TRPM6: variants seen among roughly 807,000 people sequenced by gnomAD.
TRPM6 encodes the protein channel kinase 2.
A neutral mutation model predicts 247.6 loss-of-function variants in TRPM6; 111 were observed. The ratio of observed to expected loss-of-function variants is 0.45; its 90% CI spans 0.38 to 0.52. The LOEUF (loss-of-function observed/expected upper bound fraction) is 0.52. Ranked by LOEUF, TRPM6 falls within the 20% of genes least tolerant of loss-of-function variation. The pLI is 0.00. For synonymous variants in TRPM6, 892 were observed against 853.8 expected, an observed-to-expected ratio of 1.04 and a Z score of -0.78; for missense variants, 2,126 against 2,421.5, an observed-to-expected ratio of 0.88 and a Z score of 2.56.
intron 37 of TRPM6, 105 bp from the exon 38 acceptor site, chr9:74,728,450 T>C: frequency 1.2e-6 from 1 of 816,392 alleles, no homozygotes; most frequent in South Asian, 1.4e-5. Context: ...CCAGTAAACT[T>C]GAAGGAGCCA....
intron 9 of TRPM6, among the ~76,000 whole-genome samples, chr9:74,817,684 C>T (rs973005765): frequency 6.6e-6 from 1 of 152,166 alleles, no homozygotes; most frequent in South Asian, 2.1e-4. Flanking sequence ...CCCGTTCCCA[C>T]CCTGTGGGGT....
At chr9:74,772,234 C>T (rs1274069545) in intron 24 of TRPM6, among the ~76,000 whole-genome samples, 1 of 152,180 alleles carries the variant, frequency 6.6e-6, no homozygotes, top group East Asian at 1.9e-4. Context: ...GCTGTGATCA[C>T]GCCACTACAC....
intron 34 of TRPM6, 129 bp downstream of exon 34, chr9:74,739,594 C>T (rs1415070888): frequency 2.0e-5 from 31 of 1,519,258 alleles, no homozygotes; most frequent in Non-Finnish European, 2.7e-5. Context: ...TCCTACAAAG[C>T]AATACTACCT....
At chr9:74,860,046 A>G (rs1830649325) in intron 1 of TRPM6, among the ~76,000 whole-genome samples, 1 of 152,182 alleles carries the variant, frequency 6.6e-6, no homozygotes. Context: ...CCTAAACGTA[A>G]GTGTTCATCA....
rs572929866 is a variant in TRPM6 at position 74,739,990 on chromosome 9, G to C, written c.5220C>G (p.Val1740=). The change falls in exon 34 of 39, where the codon GTC becomes GTG. Residue 1740 remains valine, a synonymous_variant. Transcript: ENST00000360774. ...VQLFAGEEIT[V]YRLEESSPLN... ...AAGGGGAACTCTCCTCCAACCTGTA[G>C]ACAGTTATTTCTTCTCCTGCTGCAA... 1.1e-5 allele frequency: 17 copies of C among 1,614,092 alleles called. No individual in the cohort carries two copies. The African/African-American group carries it at 1.9e-4, about 18-fold the overall frequency.
chr9:74,854,108 A>G (rs1830450849), intron 3 of TRPM6, among the ~76,000 whole-genome samples: 1 of 152,226 alleles, frequency 6.6e-6, no homozygotes, highest in Non-Finnish European at 1.5e-5. Flanking sequence ...AGCATCAGAA[A>G]TGAGTGAGAC....
chr9:74,864,846 T>C (rs922901519), intron 1 of TRPM6, among the ~76,000 whole-genome samples: 7 of 151,984 alleles, frequency 4.6e-5, no homozygotes, highest in African/African-American at 1.7e-4. Context: ...CTGAGGTGGG[T>C]GGATCACCTG....
In TRPM6 at chr9:74,784,281, A is replaced by G. The variant is rs190160219; in HGVS notation, c.2920-1428T>C. ...CCATCTCAGAAAAAAAAAAAAAAAG[A>G]AAGAAAAAGAAAAAAAGAAAAAGCT... On this transcript the variant is annotated intron_variant, in intron 21 of 38. Transcript: ENST00000360774. 1.3e-3 allele frequency among the ~76,000 whole-genome samples: 189 copies of G among 151,132 alleles called. 3 individuals are homozygous for G. The highest frequency in any genetic ancestry group is 1.4e-3 in the Non-Finnish European group (94 of 67,844).
chr9:74,825,187 G>A (rs541450729), intron 7 of TRPM6, among the ~76,000 whole-genome samples: 3 of 152,154 alleles, frequency 2.0e-5, no homozygotes, highest in African/African-American at 7.2e-5. Flanking sequence ...GTTTGAACCA[G>A]GGAGGCAGAG....
At chr9:74,849,359 A>G (rs1224937834) in intron 3 of TRPM6, among the ~76,000 whole-genome samples, 1 of 151,836 alleles carries the variant, frequency 6.6e-6, no homozygotes, top group Non-Finnish European at 1.5e-5. Flanking sequence ...CTCAAAAAAA[A>G]AAAAAAAAAA....
chr9:74,768,219 G>T (rs1410578355), intron 25 of TRPM6, among the ~76,000 whole-genome samples: 1 of 152,056 alleles, frequency 6.6e-6, no homozygotes, highest in East Asian at 1.9e-4. Flanking sequence ...GGTTATTTAT[G>T]GTCTTCTCCA....
chr9:74,809,706 C>T (rs7035378), intron 13 of TRPM6, among the ~76,000 whole-genome samples: 1,651 of 152,138 alleles, frequency 0.011, 27 homozygotes, highest in African/African-American at 0.034. Context: ...AGGTGGAGCA[C>T]GATGGACCAT....
intron 3 of TRPM6, among the ~76,000 whole-genome samples, chr9:74,847,439 C>T (rs1830148032): frequency 6.6e-6 from 1 of 152,044 alleles, no homozygotes; most frequent in Admixed American, 6.6e-5. Context: ...CCCTCAGTCT[C>T]CCAAAGTGCT....
intron 25 of TRPM6, among the ~76,000 whole-genome samples, chr9:74,768,955 C>CT (rs1457528685): frequency 6.6e-6 from 1 of 152,208 alleles, no homozygotes; most frequent in African/African-American, 2.4e-5. Context: ...GTTCATCCCC[C>CT]TTTCCTTAAG....
At chr9:74,849,840 A>G (rs963026373) in intron 3 of TRPM6, among the ~76,000 whole-genome samples, 2 of 152,204 alleles carry the variant, frequency 1.3e-5, no homozygotes, top group African/African-American at 4.8e-5. Context: ...TATTTCTTCA[A>G]CTGCAGTAAT....
intron 19 of TRPM6, among the ~76,000 whole-genome samples, chr9:74,790,039 T>C (rs1306850220): frequency 6.9e-6 from 1 of 145,238 alleles, no homozygotes; most frequent in Non-Finnish European, 1.5e-5. Flanking sequence ...TGTGTGTGGG[T>C]TCATTCTCAC....
At chr9:74,727,422 T>C (rs1825369419) in intron 38 of TRPM6, among the ~76,000 whole-genome samples, 1 of 151,556 alleles carries the variant, frequency 6.6e-6, no homozygotes, top group African/African-American at 2.4e-5. Flanking sequence ...CCTTCGTTTG[T>C]TATAAGTTTA....
intron 5 of TRPM6, among the ~76,000 whole-genome samples, chr9:74,836,415 C>G (rs1181030561): frequency 6.6e-6 from 1 of 152,100 alleles, no homozygotes; most frequent in African/African-American, 2.4e-5. Context: ...TGGCATCTTC[C>G]CTTCCAACTC....
intron 38 of TRPM6, 37 bp downstream of exon 38, chr9:74,728,202 G>T: frequency 1.4e-6 from 2 of 1,410,554 alleles, no homozygotes; most frequent in South Asian, 1.2e-5. Flanking sequence ...TTCTATGAGA[G>T]ATTTACTTAG....
Sources: allele counts gnomAD v4.1 joint callset (sites outside exome capture counted in the v4.1 genomes callset), GRCh38; gene constraint gnomAD v4.1.1; transcripts MANE v1.5; gene names NCBI Gene and HGNC (gene_info 2026-07-23, HGNC 2026-07-21).